DNAH8: variants seen among roughly 807,000 people sequenced by gnomAD.
The protein encoded by DNAH8 is axonemal beta dynein heavy chain 8.
In DNAH8, 382 loss-of-function variants were observed where a neutral mutation model predicts 562.1. The ratio of observed to expected loss-of-function variants is 0.68; its 90% CI spans 0.63 to 0.74. The LOEUF is 0.74. Among genes scored for constraint, DNAH8 ranks in the 30% least tolerant of loss-of-function variants. DNAH8 has a pLI of 0.00. For synonymous variants in DNAH8, 1,881 were observed against 1,919.4 expected, an observed-to-expected ratio of 0.98 and a Z score of 0.52; for missense variants, 5,203 against 5,620.4, an observed-to-expected ratio of 0.93 and a Z score of 2.37.
Position 38,951,317 on chromosome 6 carries a change from G to C in DNAH8, c.12249-1G>C. ...TTCGCCTAACTTGTATTCATTTTTA[G>C]GTCTTGGTGCCCAGACCGTACTGTT... On this transcript the variant is annotated splice_acceptor_variant, in intron 81 of 92. Coordinates refer to ENST00000327475, the MANE Select transcript of DNAH8 (RefSeq NM_001206927.2). LOFTEE classifies it high-confidence loss of function. 1.9e-6 allele frequency: 3 copies of C among 1,613,634 alleles called. No homozygotes were observed. Among genetic ancestry groups the C allele is most frequent in the Non-Finnish European group, 2.5e-6 (3 of 1,179,722 alleles).
intron 22 of DNAH8, among the ~76,000 whole-genome samples, chr6:38,804,676 GT>G (rs1301351813): frequency 7.9e-5 from 12 of 151,804 alleles, no homozygotes; most frequent in Admixed American, 7.2e-4. Flanking sequence ...CATATTTGAA[GT>G]AGGGAATCTG....
At chr6:38,898,952 T>C (rs975623206) in intron 61 of DNAH8, among the ~76,000 whole-genome samples, 1 of 152,186 alleles carries the variant, frequency 6.6e-6, no homozygotes, top group Non-Finnish European at 1.5e-5. Context: ...CTATTCTGAG[T>C]GCAAAGCCAT....
intron 3 of DNAH8, among the ~76,000 whole-genome samples, chr6:38,726,501 T>C (rs1055797601): frequency 2.0e-5 from 3 of 152,198 alleles, no homozygotes; most frequent in African/African-American, 7.2e-5. Context: ...TGTGGTTAGA[T>C]TCTACCTTTA....
chr6:38,875,098 A>G (rs1183060802), intron 52 of DNAH8, among the ~76,000 whole-genome samples: 1 of 152,236 alleles, frequency 6.6e-6, no homozygotes, highest in Non-Finnish European at 1.5e-5. Flanking sequence ...GCTAGAGACA[A>G]TGCATAGGTG....
At chr6:38,990,604 C>T (rs74684645) in intron 88 of DNAH8, among the ~76,000 whole-genome samples, 1,826 of 152,182 alleles carry the variant, frequency 0.012, 33 homozygotes, top group Middle Eastern at 0.061. Flanking sequence ...TCTGCCTGGT[C>T]CTCTCTTTCA....
Position 38,909,563 on chromosome 6 carries a change from A to G in DNAH8, c.9559A>G (p.Ile3187Val). Reference protein sequence around the residue: ...RARSLKFPGLISGCTMDWFSR... With the variant: ...RARSLKFPGLVSGCTMDWFSR... ...CCGTTCTTTGAAATTTCCTGGCTTG[A>G]TATCAGGTTGCACTATGGACTGGTT... Residue 3187 changes from isoleucine to valine, a missense_variant, in exon 65 of 93, where the codon ATA (isoleucine) becomes GTA (valine). Coordinates refer to ENST00000327475, the MANE Select transcript of DNAH8 (RefSeq NM_001206927.2). 3 of 1,614,098 alleles carry G rather than the reference A, an allele frequency of 1.9e-6. No homozygotes were observed. The highest frequency in any genetic ancestry group is 2.5e-6 in the Non-Finnish European group (3 of 1,180,004).
chr6:38,977,497 C>T (rs941002937), intron 85 of DNAH8, among the ~76,000 whole-genome samples: 2 of 152,140 alleles, frequency 1.3e-5, no homozygotes, highest in African/African-American at 4.8e-5. Flanking sequence ...CTGCCACTCC[C>T]TGAGAATGTT....
intron 56 of DNAH8, among the ~76,000 whole-genome samples, chr6:38,886,195 C>A (rs571731470): frequency 2.0e-5 from 3 of 152,002 alleles, no homozygotes; most frequent in Non-Finnish European, 4.4e-5. Context: ...AGAACAGTTA[C>A]ATGTGAGGGA....
intron 21 of DNAH8, among the ~76,000 whole-genome samples, chr6:38,797,477 G>A (rs1770372976): frequency 6.6e-6 from 1 of 152,112 alleles, no homozygotes; most frequent in African/African-American, 2.4e-5. Flanking sequence ...TGAAAATTTT[G>A]CTGTAAGCTT....
chr6:38,917,052 G>T (rs916531737), intron 68 of DNAH8, among the ~76,000 whole-genome samples, 187 bp from the exon 69 acceptor site: 3 of 152,096 alleles, frequency 2.0e-5, no homozygotes, highest in Non-Finnish European at 4.4e-5. Context: ...ACAGGGAAAA[G>T]AAGAATACAT....
At chr6:38,737,291 A>T (rs768711588) in intron 6 of DNAH8, 35 bp downstream of exon 6, 1 of 1,272,350 alleles carries the variant, frequency 7.9e-7, no homozygotes, top group Non-Finnish European at 1.0e-6. Context: ...CAAATTGCAA[A>T]AAAGAAGCAA....
In DNAH8 at chr6:38,857,610, C is replaced by T; in HGVS notation, c.5826C>T (p.Thr1942=). The change falls in exon 42 of 93, where the codon ACC becomes ACT. Residue 1942 remains threonine (T), a synonymous_variant. Transcript: ENST00000327475. ...AKDDRKIMQV[T]NQKFLDILNT... is the part of the protein sequence containing the mutation. ...ATGACAGGAAAATCATGCAAGTGAC[C>T]AATCAGAAATTTTTGGATATTCTAA... The T allele has an allele frequency of 6.2e-7, 1 of 1,613,654 alleles. No individual in the cohort carries two copies. The highest frequency in any genetic ancestry group is 8.5e-7 in the Non-Finnish European group (1 of 1,179,708).
At chr6:38,720,263 G>A (rs915136775) in intron 1 of DNAH8, among the ~76,000 whole-genome samples, 1 of 152,200 alleles carries the variant, frequency 6.6e-6, no homozygotes, top group South Asian at 2.1e-4. Context: ...CCTGAGGACA[G>A]CCAGAGATGA....
chr6:38,918,235 A>G, intron 70 of DNAH8, 95 bp downstream of exon 70: 2 of 836,734 alleles, frequency 2.4e-6, no homozygotes, highest in Non-Finnish European at 3.6e-6. Context: ...GTTTAGACCA[A>G]TAAAGGTAGA....
At chr6:38,954,820 C>A (rs1762141772) in intron 82 of DNAH8, among the ~76,000 whole-genome samples, 1 of 151,776 alleles carries the variant, frequency 6.6e-6, no homozygotes, top group South Asian at 2.1e-4. Context: ...CCTGAATAAA[C>A]CAATAATCAA....
chr6:38,971,631 A>G lies in DNAH8; in HGVS notation c.12491A>G (p.His4164Arg). The change falls in exon 83 of 93, where the codon CAT (histidine) becomes CGT (arginine). Residue 4164 changes from histidine to arginine, a missense_variant. Coordinates refer to ENST00000327475, the MANE Select transcript of DNAH8 (RefSeq NM_001206927.2). Reference protein sequence around the residue: ...TISMGQGQEVHARKLIQMSMQ... With the variant: ...TISMGQGQEVRARKLIQMSMQ... ...TCAATGGGGCAAGGACAAGAAGTAC[A>G]TGCTCGAAAGCTGATTCAGATGTCA... 1.9e-6 allele frequency: 3 copies of G among 1,603,942 alleles called. No individual in the cohort carries two copies. Among genetic ancestry groups the G allele is most frequent in the Non-Finnish European group, 2.6e-6 (3 of 1,175,706 alleles).
At chr6:38,893,898 T>C (rs1156923902) in intron 58 of DNAH8, among the ~76,000 whole-genome samples, 1 of 152,250 alleles carries the variant, frequency 6.6e-6, no homozygotes, top group East Asian at 1.9e-4. Flanking sequence ...ATTATGATCT[T>C]TATACATGAC....
intron 91 of DNAH8, among the ~76,000 whole-genome samples, chr6:39,019,805 G>A (rs1363667590): frequency 6.6e-6 from 1 of 152,194 alleles, no homozygotes; most frequent in Non-Finnish European, 1.5e-5. Flanking sequence ...GGTCGCAGCA[G>A]ATGGGTATAT....
intron 88 of DNAH8, among the ~76,000 whole-genome samples, chr6:38,994,563 G>A (rs1765006975): frequency 6.7e-6 from 1 of 150,090 alleles, no homozygotes; most frequent in Non-Finnish European, 1.5e-5. Context: ...TTATCCATTA[G>A]GAATTTACCT....
Sources: allele counts gnomAD v4.1 joint callset (sites outside exome capture counted in the v4.1 genomes callset), GRCh38; gene constraint gnomAD v4.1.1; transcripts MANE v1.5; gene names NCBI Gene and HGNC (gene_info 2026-07-23, HGNC 2026-07-21).